Variants in ARAP2 observed in about 807,000 individuals in gnomAD.
ARAP2 encodes the protein arf-GAP with Rho-GAP domain, ANK repeat and PH domain-containing protein 2.
Under a neutral mutation model 194.5 loss-of-function variants are expected in ARAP2, and 148 were observed. That is an observed-to-expected ratio of 0.76 (90% confidence interval 0.67 to 0.87). ARAP2 has a LOEUF of 0.87. ARAP2 is among the 40% of genes least tolerant of loss of function. The pLI, the probability that ARAP2 is intolerant of heterozygous loss-of-function variation, is 0.00. For synonymous variants in ARAP2, 695 were observed against 683.5 expected (o/e 1.02, Z -0.26); for missense variants, 2,128 against 1,989.7 (o/e 1.07, Z -1.32).
At chr4:36,125,026 G>T in intron 21 of ARAP2, 59 bp from the exon 22 acceptor site, 2 of 1,122,290 alleles carry the variant, frequency 1.8e-6, no homozygotes, top group Non-Finnish European at 2.7e-6. Flanking sequence ...TTATGGATTT[G>T]TCTATCAGCA....
rs78392894 is a variant in ARAP2, at chr4:36,042,154, T to C, written n.607+3825A>G. 6.0e-3 allele frequency among the ~76,000 whole-genome samples: 918 copies of C among 152,194 alleles called. 9 individuals carry two copies. The highest frequency in any genetic ancestry group is 0.021 in the African/African-American group (864 of 41,516). On this transcript the variant is annotated intron_variant and non_coding_transcript_variant, in intron 5 of 12. Coordinates refer to the ARAP2 transcript ENST00000503225. ...TTTACCTATGTAACAAACCTTCACA[T>C]GTACCTCCAAACCTAAAATGAAAGT...
At chr4:36,090,770 G>A (rs530603774) in intron 28 of ARAP2, among the ~76,000 whole-genome samples, 25 of 152,178 alleles carry the variant, frequency 1.6e-4, no homozygotes, top group South Asian at 4.1e-4. Context: ...TTGGTGGAGC[G>A]TAGAGGATTA....
chr4:36,102,203 C>T (rs1717136287), intron 27 of ARAP2, among the ~76,000 whole-genome samples: 1 of 152,016 alleles, frequency 6.6e-6, no homozygotes, highest in Admixed American at 6.6e-5. Context: ...ACACGTCAGA[C>T]TCTTAAAGCT....
rs773257949 is a variant in ARAP2, at chr4:36,177,944, C to A, written c.1740G>T (p.Ser580=). ...CAGGTGTAACAACAGCTTGAGACTG[C>A]GAGGTAAGGGATTGTGATTTCAGTG... ...LNALKSQSLT[S]QSQAVVTPEK... The change falls in exon 9 of 33, where the codon TCG becomes TCT. Residue 580 remains serine, a synonymous_variant. Transcript: ENST00000303965. 2 of 1,613,244 alleles carry A rather than the reference C, an allele frequency of 1.2e-6. No homozygotes were observed. The highest frequency in any genetic ancestry group is 1.1e-5 in the South Asian group (1 of 90,984).
chr4:36,239,979 C>G (rs776078875), intron 1 of ARAP2, among the ~76,000 whole-genome samples: 2 of 152,152 alleles, frequency 1.3e-5, no homozygotes, highest in Non-Finnish European at 2.9e-5. Flanking sequence ...TTAGTTCCAC[C>G]CAGGCAGTAG....
intron 5 of ARAP2, among the ~76,000 whole-genome samples, chr4:36,037,429 T>TA (rs918282356): frequency 3.5e-4 from 53 of 152,288 alleles, no homozygotes; most frequent in African/African-American, 1.2e-3. Context: ...GTACTCCCCC[T>TA]AGTCTTCTTT....
intron 8 of ARAP2, among the ~76,000 whole-genome samples, chr4:36,180,614 T>C (rs938879638): frequency 6.6e-6 from 1 of 152,228 alleles, no homozygotes; most frequent in African/African-American, 2.4e-5. Context: ...TGCTAACCCA[T>C]ATAAATCACT....
chr4:36,230,002 G>A (rs1041873994), intron 1 of ARAP2, among the ~76,000 whole-genome samples: 2 of 152,206 alleles, frequency 1.3e-5, no homozygotes, highest in African/African-American at 4.8e-5. Context: ...GATGTATATA[G>A]TTCATCAGAA....
chr4:36,234,899 T>C (rs1251612036), intron 1 of ARAP2, among the ~76,000 whole-genome samples: 2 of 152,176 alleles, frequency 1.3e-5, no homozygotes, highest in Non-Finnish European at 1.5e-5. Flanking sequence ...GCAGTACATG[T>C]TTAGAGAATG....
intron 8 of ARAP2, among the ~76,000 whole-genome samples, chr4:36,183,021 C>G (rs1739640308): frequency 1.3e-5 from 2 of 152,106 alleles, no homozygotes; most frequent in Admixed American, 1.3e-4. Context: ...AGACTTGGGG[C>G]CCCACAATCG....
chr4:36,080,346 T>C, intron 30 of ARAP2, 67 bp from the exon 31 acceptor site: 1 of 1,318,910 alleles, frequency 7.6e-7, no homozygotes, highest in Non-Finnish European at 1.1e-6. Context: ...GTGTATCTGC[T>C]GAGTGATTTG....
intron 28 of ARAP2, among the ~76,000 whole-genome samples, chr4:36,089,338 T>C (rs1225422672): frequency 6.6e-6 from 1 of 152,146 alleles, no homozygotes; most frequent in Non-Finnish European, 1.5e-5. Flanking sequence ...ATTATATGAA[T>C]AGAATATTTT....
In ARAP2 at chr4:36,177,466, T is replaced by C. The variant is rs1738218556; in HGVS notation, c.1857+361A>G. 2.0e-5 allele frequency among the ~76,000 whole-genome samples: 3 copies of C among 152,278 alleles called. No individual in the cohort carries two copies. The South Asian group carries it at 6.2e-4, about 32-fold the overall frequency. ...CACAAAAAATAAAAGCAGCACAGGGTGCAGAACTGGTCCTATTTCATCAAC... is the reference window on the plus strand; with the variant it reads ...CACAAAAAATAAAAGCAGCACAGGGCGCAGAACTGGTCCTATTTCATCAAC... On this transcript the variant is annotated intron_variant, in intron 9 of 32. Coordinates refer to ENST00000303965, the MANE Select transcript of ARAP2 (RefSeq NM_015230.4).
At chr4:36,034,902 C>T (rs930917954) in intron 5 of ARAP2, among the ~76,000 whole-genome samples, 1 of 152,058 alleles carries the variant, frequency 6.6e-6, no homozygotes, top group Non-Finnish European at 1.5e-5. Context: ...TATTGATTTG[C>T]ATATGTTGAA....
intron 2 of ARAP2, among the ~76,000 whole-genome samples, chr4:36,228,184 GA>G (rs1750731289): frequency 6.6e-6 from 1 of 152,110 alleles, no homozygotes; most frequent in African/African-American, 2.4e-5. Flanking sequence ...CCACGCAGCA[GA>G]GATACAAACA....
At chr4:36,056,532 C>A (rs1371631091) in intron 2 of ARAP2, among the ~76,000 whole-genome samples, 1 of 152,112 alleles carries the variant, frequency 6.6e-6, no homozygotes, top group East Asian at 1.9e-4. Flanking sequence ...CTTTTACTTT[C>A]AACATATGTC....
chr4:36,162,126 C>T (rs1560566299), intron 11 of ARAP2, among the ~76,000 whole-genome samples: 1 of 108,874 alleles, frequency 9.2e-6, no homozygotes, highest in Non-Finnish European at 1.8e-5. Flanking sequence ...AAAAAAAGAA[C>T]TACACTTACT....
At chr4:36,138,089 G>A (rs1727274280) in intron 19 of ARAP2, among the ~76,000 whole-genome samples, 1 of 151,648 alleles carries the variant, frequency 6.6e-6, no homozygotes, top group Non-Finnish European at 1.5e-5. Flanking sequence ...CTTTAGAAGG[G>A]TATGCTGTGC....
intron 2 of ARAP2, among the ~76,000 whole-genome samples, chr4:36,218,444 A>T (rs1284846031): frequency 6.6e-6 from 1 of 152,144 alleles, no homozygotes; most frequent in East Asian, 1.9e-4. Flanking sequence ...AAATATTAAA[A>T]AAAAAACAGA....
Sources: gnomAD v4.1 joint callset for allele counts (sites outside exome capture counted in the v4.1 genomes callset) on GRCh38, gnomAD v4.1.1 for gene constraint, MANE v1.5 for transcripts, NCBI Gene and HGNC (gene_info 2026-07-23, HGNC 2026-07-21) for gene names.